TEX11: variants seen among roughly 807,000 people sequenced by gnomAD.
TEX11 encodes the protein testis expressed 11.
In TEX11, 7 loss-of-function variants were observed where a neutral mutation model predicts 84.4. The ratio of observed to expected loss-of-function variants is 0.08; its 90% CI spans 0.05 to 0.16. The LOEUF is 0.16. Among genes scored for constraint, TEX11 ranks in the 10% least tolerant of loss-of-function variants. The pLI is 1.00. For missense variants in TEX11, 551 were observed against 660.5 expected, an observed-to-expected ratio of 0.83 and a Z score of 1.82; for synonymous variants, 264 against 222.8, an observed-to-expected ratio of 1.18 and a Z score of -1.64.
chrX:70,585,453 GC>G (rs1199560019), intron 25 of TEX11, among the ~76,000 whole-genome samples: 1 of 111,692 alleles, frequency 9.0e-6, no homozygotes, highest in Non-Finnish European at 1.9e-5. Context: ...ATCACGCTAA[GC>G]GATCCCTATC....
intron 17 of TEX11, among the ~76,000 whole-genome samples, chrX:70,639,678 G>A (rs2089625970): frequency 9.0e-6 from 1 of 111,584 alleles, no homozygotes; most frequent in African/African-American, 3.3e-5. Flanking sequence ...TCACACTGCA[G>A]GGTACTCCAG....
chrX:70,528,723 G>A (rs1205914804), downstream of TEX11, among the ~76,000 whole-genome samples: 1 of 111,322 alleles, frequency 9.0e-6, no homozygotes, highest in Non-Finnish European at 1.9e-5. Context: ...GACCACTAAG[G>A]TCCTTCCAAA....
At chrX:70,654,864 A>C (rs1181045821) in intron 16 of TEX11, among the ~76,000 whole-genome samples, 1 of 110,777 alleles carries the variant, frequency 9.0e-6, no homozygotes, top group Non-Finnish European at 1.9e-5. Context: ...AAAATATGTA[A>C]CTACATGTTT....
In TEX11 at chrX:70,642,496, T is replaced by A. The variant is rs1458190055; in HGVS notation, c.1483+8954A>T. Among the ~76,000 whole-genome samples the A allele has an allele frequency of 5.3e-4, 57 of 106,790 alleles. 1 individual carries two copies. The highest frequency in any genetic ancestry group is 4.7e-3 in the Middle Eastern group (1 of 212). The allele number at this position is 106,790 out of a possible 115,157, so 92.7% of individuals were successfully genotyped here. A position where few individuals can be genotyped will look rare whatever the true frequency, so the allele number is the denominator to read the frequency against. On this transcript the variant is annotated intron_variant, in intron 17 of 29. Coordinates refer to ENST00000374333, the MANE Select transcript of TEX11 (RefSeq NM_031276.3). The stretch of plus-strand genomic sequence containing the variant: ...GAGAATTTTAGACCAATATCCTTGA[T>A]GAACATTGATGCAAAAATCCTCAAT...
At chrX:70,637,766 TG>T (rs987484496) in intron 17 of TEX11, among the ~76,000 whole-genome samples, 1 of 106,034 alleles carries the variant, frequency 9.4e-6, no homozygotes, top group Non-Finnish European at 1.9e-5. Flanking sequence ...TGCTGGAGGG[TG>T]GGGGCTGGGA....
chrX:70,694,802 A>C (rs1379989598), intron 13 of TEX11, among the ~76,000 whole-genome samples: 1 of 111,899 alleles, frequency 8.9e-6, no homozygotes, highest in African/African-American at 3.2e-5. Flanking sequence ...TTTGTGCTAC[A>C]TCATAACTTG....
intron 5 of TEX11, chrX:70,857,070 C>T (rs1375224552): frequency 9.0e-6 from 1 of 110,697 alleles, no homozygotes; most frequent in African/African-American, 3.3e-5. Flanking sequence ...TCTTGGGGGA[C>T]GTGGGGAAGC....
intron 17 of TEX11, among the ~76,000 whole-genome samples, chrX:70,650,627 T>C (rs1337629806): frequency 1.8e-5 from 2 of 112,043 alleles, no homozygotes; most frequent in African/African-American, 6.5e-5. Context: ...ATTTCTTTTT[T>C]AATGTAAAAT....
intron 15 of TEX11, among the ~76,000 whole-genome samples, chrX:70,677,621 G>A (rs1255701593): frequency 9.1e-6 from 1 of 110,045 alleles, no homozygotes; most frequent in Non-Finnish European, 1.9e-5. Context: ...CCTAATCTAC[G>A]CTATGTGGTC....
At chrX:70,743,499 TATTAAG>T (rs2090746988) in intron 10 of TEX11, among the ~76,000 whole-genome samples, 1 of 112,109 alleles carries the variant, frequency 8.9e-6, no homozygotes, top group African/African-American at 3.2e-5. Flanking sequence ...CTTGATTACA[TATTAAG>T]ATTAATTTCC....
At chrX:70,843,531 T>C (rs1343636508) in intron 7 of TEX11, among the ~76,000 whole-genome samples, 52 of 111,464 alleles carry the variant, frequency 4.7e-4, no homozygotes, top group African/African-American at 1.6e-3. Flanking sequence ...GCAATACCAT[T>C]CAGGACATAG....
At chrX:70,521,691 T>C in the TEX11 span, among the ~76,000 whole-genome samples, 1 of 111,740 alleles carries the variant, frequency 8.9e-6, no homozygotes. Context: ...GAAGAACTGA[T>C]GGGTGAAGTG....
At chrX:70,605,879 T>C (rs1351800218) in intron 23 of TEX11, among the ~76,000 whole-genome samples, 1 of 111,607 alleles carries the variant, frequency 9.0e-6, no homozygotes, top group African/African-American at 3.2e-5. Context: ...CACCTTTGTA[T>C]TGAATAGAGC....
At chrX:70,623,088 G>C (rs893725137) in intron 20 of TEX11, among the ~76,000 whole-genome samples, 1 of 111,887 alleles carries the variant, frequency 8.9e-6, no homozygotes, top group Non-Finnish European at 1.9e-5. Flanking sequence ...GGTAAAATTT[G>C]CATTATGAAA....
chrX:70,676,686 ATCC>A (rs1444841845), intron 15 of TEX11, among the ~76,000 whole-genome samples: 2 of 112,128 alleles, frequency 1.8e-5, no homozygotes, highest in Non-Finnish European at 3.8e-5. Context: ...TATTATCTCC[ATCC>A]TCATTTGGGA....
At chrX:70,628,380 AC>A (rs2089472839) in intron 18 of TEX11, among the ~76,000 whole-genome samples, 1 of 111,598 alleles carries the variant, frequency 9.0e-6, no homozygotes. Context: ...CTTTAAAAAA[AC>A]ATTCTTACTT....
At chrX:70,871,713 A>G (rs1340818447) in intron 4 of TEX11, among the ~76,000 whole-genome samples, 2 of 110,731 alleles carry the variant, frequency 1.8e-5, no homozygotes, top group African/African-American at 6.6e-5. Context: ...GAGACAGTAC[A>G]TGGGACTCTC....
In TEX11 at chrX:70,833,168, G is replaced by A. The variant is rs756106513; in HGVS notation, c.606+345C>T. On this transcript the variant is annotated intron_variant, in intron 8 of 29. Coordinates refer to ENST00000374333, the MANE Select transcript of TEX11 (RefSeq NM_031276.3). ...GCCTGTAATCCCAGCTACTCAGGAG[G>A]CTGAGGCACAAGAATCACTTGAACC... Among the ~76,000 whole-genome samples, 28 of 108,932 alleles carry A rather than the reference G, an allele frequency of 2.6e-4. 1 individual carries two copies. The highest frequency in any genetic ancestry group is 1.0e-4 in the Admixed American group (1 of 10,012). The allele number at this position is 108,932 out of a possible 115,157, so 94.6% of individuals were successfully genotyped here. A position where few individuals can be genotyped will look rare whatever the true frequency, so the allele number is the denominator to read the frequency against.
chrX:70,563,619 G>T lies in TEX11; in HGVS notation c.2141-8819C>A, dbSNP rs1443984366. ...CATTCCCTGACATCAGTGAGAAAGT[G>T]TTCATATTTTACCATTAAATACAAA... is the stretch of plus-strand genomic sequence containing the variant. On this transcript the variant is annotated intron_variant, in intron 25 of 29. Coordinates refer to ENST00000374333, the MANE Select transcript of TEX11 (RefSeq NM_031276.3). 2.6e-4 allele frequency among the ~76,000 whole-genome samples: 29 copies of T among 110,790 alleles called. 1 individual carries two copies. The Admixed American group carries it at 2.8e-3, about 11-fold the overall frequency.
Sources: allele counts gnomAD v4.1 joint callset (sites outside exome capture counted in the v4.1 genomes callset), GRCh38; gene constraint gnomAD v4.1.1; transcripts MANE v1.5; gene names NCBI Gene and HGNC (gene_info 2026-07-23, HGNC 2026-07-21).